SIDT2: variants seen among roughly 807,000 people sequenced by gnomAD.
SIDT2 encodes the protein SID1 transmembrane family, member 2.
A neutral mutation model predicts 114.4 loss-of-function variants in SIDT2; 68 were observed. The observed-to-expected ratio is 0.59, with a 90% CI of 0.49 to 0.73. The LOEUF (loss-of-function observed/expected upper bound fraction) is 0.73, where lower values mean the gene tolerates loss of function less well. SIDT2 is among the 30% of genes least tolerant of loss of function. SIDT2 has a pLI of 0.00. For synonymous variants in SIDT2, 470 were observed against 438.4 expected (o/e 1.07, Z -0.90); for missense variants, 918 against 1,097.1 (o/e 0.84, Z 2.31).
chr11:117,190,720 A>G lies in SIDT2; in HGVS notation c.1715A>G (p.Asn572Ser). 6.2e-7 allele frequency: 1 copy of G among 1,613,926 alleles called. No individual in the cohort carries two copies. The highest frequency in any genetic ancestry group is 8.5e-7 in the Non-Finnish European group (1 of 1,179,910). ...AGTGCTTGCTATCATGTGTGCCCCA[A>G]CTATACCAATTTCCAGTTTGGTGAG... ...LLSACYHVCP[N>S]YTNFQFDTSF... is the part of the protein sequence containing the mutation. Residue 572 changes from asparagine to serine, a missense_variant, in exon 18 of 26, where the codon AAC becomes AGC. Asn to Ser is a conservative substitution (Grantham distance 46, BLOSUM62 1). Coordinates refer to ENST00000324225, the MANE Select transcript of SIDT2 (RefSeq NM_001040455.2). The surrounding 1 kb of genome is among the most constrained non-coding windows in gnomAD (Gnocchi z 4.1).
chr11:117,190,769 C>T lies in SIDT2; in HGVS notation c.1735+29C>T, dbSNP rs1285148551. On this transcript the variant is annotated intron_variant, in intron 18 of 25. Coordinates refer to ENST00000324225, the MANE Select transcript of SIDT2 (RefSeq NM_001040455.2). This position sits in a 1 kb window ranked among gnomAD's most constrained non-coding sequence, Gnocchi z 4.1. ...AGTGGGGCGTCCTTCTTTTCTGGCT[C>T]AACCTACAGCAGGGACCTGCCTGAG... 1 of 1,560,560 alleles carries T rather than the reference C, an allele frequency of 6.4e-7. No individual in the cohort carries two copies. The highest frequency in any genetic ancestry group is 8.8e-7 in the Non-Finnish European group (1 of 1,131,300).
Position 117,192,745 on chromosome 11 carries a change from G to A in SIDT2, c.2059-75G>A. The A allele has an allele frequency of 3.1e-6, 5 of 1,611,558 alleles. No homozygotes were observed. Among genetic ancestry groups the A allele is most frequent in the Non-Finnish European group, 2.5e-6 (3 of 1,178,198 alleles). On this transcript the variant is annotated intron_variant, in intron 21 of 25. Transcript: ENST00000324225. This position sits in a 1 kb window ranked among gnomAD's most constrained non-coding sequence, Gnocchi z 5.9. ...GGCTGAGGACCCAGGGGAGAGTGGGGACCAGCTGGCTGGGCCTTCTTCCAC... is the reference window on the plus strand; with the variant it reads ...GGCTGAGGACCCAGGGGAGAGTGGGAACCAGCTGGCTGGGCCTTCTTCCAC...
At chr11:117,189,506 TC>T in intron 15 of SIDT2, 105 bp downstream of exon 15, 1 of 1,241,412 alleles carries the variant, frequency 8.1e-7, no homozygotes, top group Non-Finnish European at 1.1e-6. Context: ...GGACCTGGGT[TC>T]AGATCCCAGC....
chr11:117,192,407 G>A lies in SIDT2; in HGVS notation c.1981+45G>A, dbSNP rs748053550. ...AGGGCCTGGGGGAGGGGTCTGGGGG[G>A]CCTTGGGAACCCGGACGCACGGGAG... is the stretch of plus-strand genomic sequence containing the variant. On this transcript the variant is annotated intron_variant, in intron 20 of 25. Transcript: ENST00000324225. This position sits in a 1 kb window ranked among gnomAD's most constrained non-coding sequence, Gnocchi z 5.9. The A allele has an allele frequency of 6.3e-6, 9 of 1,436,454 alleles. No individual in the cohort carries two copies. The highest frequency in any genetic ancestry group is 1.7e-4 in the Middle Eastern group (1 of 5,786). The allele number at this position is 1,436,454 out of a possible 1,614,324, so 89.0% of individuals were successfully genotyped here. A position where few individuals can be genotyped will look rare whatever the true frequency, so the allele number is the denominator to read the frequency against.
At chr11:117,193,757 G>A in intron 23 of SIDT2, 96 bp from the exon 24 acceptor site, 1 of 845,976 alleles carries the variant, frequency 1.2e-6, no homozygotes, top group South Asian at 1.5e-5. Context: ...GGCCTGGGAG[G>A]CCATGAGGAA....
At chr11:117,191,833 C>A in intron 18 of SIDT2, 45 bp from the exon 19 acceptor site, 1 of 1,603,488 alleles carries the variant, frequency 6.2e-7, no homozygotes, top group South Asian at 1.1e-5. Context: ...TCTGCTGGGG[C>A]TTGGTGGCCA....
chr11:117,187,865 C>T (rs1161757034), intron 12 of SIDT2, 166 bp downstream of exon 12: 1 of 734,980 alleles, frequency 1.4e-6, no homozygotes. Flanking sequence ...GCCCCAGTTC[C>T]CTGGTAACTT....
chr11:117,182,847 G>T, intron 6 of SIDT2, 41 bp downstream of exon 6: 1 of 1,589,054 alleles, frequency 6.3e-7, no homozygotes, highest in South Asian at 1.1e-5. Flanking sequence ...GTGGCTGGGC[G>T]ATAAGCTGTG....
In SIDT2 at chr11:117,181,846, C is replaced by T. The variant is rs1234696790; in HGVS notation, c.345C>T (p.Thr115=). The change falls in exon 3 of 26, where the codon ACC becomes ACT. Residue 115 remains threonine, a synonymous_variant. Transcript: ENST00000324225. ...ACCTCTACCAAAAAGTGGAACGAAC[C>T]CTGTGTCAGCCCCCCACCAAGAATG... is the stretch of plus-strand genomic sequence containing the variant. ...RKYLYQKVER[T]LCQPPTKNES... 1 of 1,614,166 alleles carries T rather than the reference C, an allele frequency of 6.2e-7. No homozygotes were observed. Among genetic ancestry groups the T allele is most frequent in the Admixed American group, 1.7e-5 (1 of 60,024 alleles).
At chr11:117,186,443 T>G (rs1020356224) in intron 9 of SIDT2, 141 bp from the exon 10 acceptor site, 32 of 979,384 alleles carry the variant, frequency 3.3e-5, no homozygotes, top group Non-Finnish European at 4.3e-5. Context: ...CTCCCCAGCC[T>G]GTGAGGAACC....
In SIDT2 at chr11:117,186,174, C is replaced by T; in HGVS notation, c.913C>T (p.Leu305Phe). ...SGMLFCLGIF[L>F]SFYLLTVLLA... ...GATGCTCTTTTGCCTGGGTATATTT[C>T]TCTCCTTTTACCTGCTGACCGTCCT... The change falls in exon 9 of 26, where the codon CTC becomes TTC. Residue 305 changes from leucine (L) to phenylalanine (F), a missense_variant. Leu to Phe is a conservative substitution (Grantham distance 22). Around this residue, in one of 4 missense-constraint regions of SIDT2, gnomAD observed 553 missense variants for 600.1 expected, o/e 0.92. Coordinates refer to ENST00000324225, the MANE Select transcript of SIDT2 (RefSeq NM_001040455.2). The T allele has an allele frequency of 6.2e-7, 1 of 1,614,102 alleles. No individual in the cohort carries two copies. The highest frequency in any genetic ancestry group is 8.5e-7 in the Non-Finnish European group (1 of 1,180,008).
chr11:117,184,017 A>G lies in SIDT2; in HGVS notation c.803-57A>G, dbSNP rs1220835971. The G allele has an allele frequency of 2.5e-6, 4 of 1,599,286 alleles. No homozygotes were observed. In the African/African-American group the frequency reaches 4.0e-5, roughly 16 times the overall value. ...TCCAGTCTCTCAAAGGCCTGATCCCACTGACTCTAGCCAAGCTCCAGGCAA... is the reference window on the plus strand; with the variant it reads ...TCCAGTCTCTCAAAGGCCTGATCCCGCTGACTCTAGCCAAGCTCCAGGCAA... On this transcript the variant is annotated intron_variant, in intron 7 of 25. Transcript: ENST00000324225.
chr11:117,191,579 G>A (rs148801054), intron 18 of SIDT2: 6,673 of 357,438 alleles, frequency 0.019, 406 homozygotes, highest in African/African-American at 0.13. Flanking sequence ...GTGAGACTCC[G>A]TCTCCAAAAA....
In SIDT2 at chr11:117,196,197, G is replaced by A. The variant is rs985805400; in HGVS notation, c.*131G>A. On this transcript the variant is annotated 3_prime_UTR_variant, in exon 26 of 26. Transcript: ENST00000324225. The surrounding 1 kb of genome is among the most constrained non-coding windows in gnomAD (Gnocchi z 4.9). ...GCACTGGATGGCAGCAGGACAGCCA[G>A]GTCTAGCTTAGGCTTGGCCTGGGAC... 4 of 1,281,294 alleles carry A rather than the reference G, an allele frequency of 3.1e-6. No homozygotes were observed. Among genetic ancestry groups the A allele is most frequent in the Non-Finnish European group, 4.3e-6 (4 of 920,404 alleles). The allele number at this position is 1,281,294 out of a possible 1,614,324, so 79.4% of individuals were successfully genotyped here. A position where few individuals can be genotyped will look rare whatever the true frequency, so the allele number is the denominator to read the frequency against.
rs2134248336 is a variant in SIDT2, at chr11:117,181,988, G to A, written c.470+17G>A. ...TGTGCTCAGGTCTGCAGGGTAGAGTGAGGGGACCACGGGGGCTGGTTCTTC... is the reference window on the plus strand; with the variant it reads ...TGTGCTCAGGTCTGCAGGGTAGAGTAAGGGGACCACGGGGGCTGGTTCTTC... On this transcript the variant is annotated intron_variant, in intron 3 of 25. Coordinates refer to ENST00000324225, the MANE Select transcript of SIDT2 (RefSeq NM_001040455.2). 2 of 1,614,126 alleles carry A rather than the reference G, an allele frequency of 1.2e-6. No homozygotes were observed. The highest frequency in any genetic ancestry group is 1.7e-6 in the Non-Finnish European group (2 of 1,180,008).
In SIDT2 at chr11:117,181,855, G is replaced by GC; in HGVS notation, c.360dup (p.Thr121HisfsTer4). The GC allele has an allele frequency of 1.2e-6, 2 of 1,614,208 alleles. No homozygotes were observed. Among genetic ancestry groups the GC allele is most frequent in the African/African-American group, 2.7e-5 (2 of 75,056 alleles). ...AAAAAGTGGAACGAACCCTGTGTCAGCCCCCCACCAAGAATGAGTCGGAGA... is the reference window on the plus strand; with the variant it reads ...AAAAAGTGGAACGAACCCTGTGTCAGCCCCCCCACCAAGAATGAGTCGGAGA... On this transcript the variant is annotated frameshift_variant, in exon 3 of 26. Coordinates refer to ENST00000324225, the MANE Select transcript of SIDT2 (RefSeq NM_001040455.2). LOFTEE classifies it high-confidence loss of function.
Position 117,190,844 on chromosome 11 carries a change from A to G in SIDT2, c.1735+104A>G. 1 of 890,488 alleles carries G rather than the reference A, an allele frequency of 1.1e-6. No homozygotes were observed. The highest frequency in any genetic ancestry group is 1.8e-6 in the Non-Finnish European group (1 of 543,174). 55.2% of individuals were successfully genotyped at this position (890,488 alleles called of 1,614,324 possible). A position where few individuals can be genotyped will look rare whatever the true frequency, so the allele number is the denominator to read the frequency against. On this transcript the variant is annotated intron_variant, in intron 18 of 25. Coordinates refer to ENST00000324225, the MANE Select transcript of SIDT2 (RefSeq NM_001040455.2). This position sits in a 1 kb window ranked among gnomAD's most constrained non-coding sequence, Gnocchi z 4.1. ...ACAGGGATCGCTAAGACACCCCTGT[A>G]GGAAACTCCAAGGCTGGCGTGCCTG... is the stretch of plus-strand genomic sequence containing the variant.
At position 117,192,065 on chromosome 11, in the gene SIDT2, T is replaced by C. The variant is rs1229475817; in HGVS notation, c.1872+51T>C. ...GCCTGTATGATAGGAAAGGTGCACG[T>C]GCGTTCAGACACGTAGTGCACACCC... On this transcript the variant is annotated intron_variant, in intron 19 of 25. Transcript: ENST00000324225. This position sits in a 1 kb window ranked among gnomAD's most constrained non-coding sequence, Gnocchi z 5.9. 1 of 1,610,470 alleles carries C rather than the reference T, an allele frequency of 6.2e-7. No individual in the cohort carries two copies. Among genetic ancestry groups the C allele is most frequent in the Non-Finnish European group, 8.5e-7 (1 of 1,177,778 alleles).
intron 8 of SIDT2, among the ~76,000 whole-genome samples, chr11:117,184,814 C>T (rs141037077): frequency 2.0e-3 from 304 of 152,298 alleles, no homozygotes; most frequent in African/African-American, 5.3e-3. Flanking sequence ...CAATCTCCGC[C>T]TCCCGGGTTC....
Sources: allele counts gnomAD v4.1 joint callset (sites outside exome capture counted in the v4.1 genomes callset), GRCh38; gene constraint gnomAD v4.1.1; regional missense constraint gnomAD v4.1.1; non-coding constraint Gnocchi (gnomAD v3.1); transcripts MANE v1.5; gene names NCBI Gene and HGNC (gene_info 2026-07-23, HGNC 2026-07-21).